BARD1: variants seen among roughly 807,000 people sequenced by gnomAD.
BARD1 encodes BRCA1-associated RING domain protein 1.
In BARD1, 73 loss-of-function variants were observed where a neutral mutation model predicts 77.0. The ratio of observed to expected loss-of-function variants is 0.95; its 90% CI spans 0.79 to 1.15. The LOEUF (loss-of-function observed/expected upper bound fraction) is 1.15. Among genes scored for constraint, BARD1 ranks in the 50% most tolerant of loss-of-function variants. The probability of loss-of-function intolerance (pLI) is 0.00; values close to 1 mark genes in which losing one functional copy is unlikely to be tolerated. For missense variants in BARD1, 993 were observed against 938.8 expected (o/e 1.06, Z -0.75); for synonymous variants, 384 against 338.0 (o/e 1.14, Z -1.49).
chr2:214,753,422 T>A (rs1693548570), intron 6 of BARD1, among the ~76,000 whole-genome samples: 1 of 152,190 alleles, frequency 6.6e-6, no homozygotes, highest in Non-Finnish European at 1.5e-5. Flanking sequence ...AAATGAGCAA[T>A]TCTTTTATAG....
intron 9 of BARD1, among the ~76,000 whole-genome samples, chr2:214,737,858 C>G (rs996936742): frequency 2.0e-5 from 3 of 151,950 alleles, no homozygotes; most frequent in Admixed American, 2.0e-4. Flanking sequence ...AAGATTTAAA[C>G]TATTTTATAT....
chr2:214,752,755 T>C (rs1693518498), intron 6 of BARD1, among the ~76,000 whole-genome samples, 200 bp from the exon 7 acceptor site: 2 of 152,170 alleles, frequency 1.3e-5, no homozygotes, highest in Non-Finnish European at 2.9e-5. Flanking sequence ...ATTATAGGGA[T>C]TGTTTTTACT....
At chr2:214,802,791 G>A (rs1185516074) in intron 1 of BARD1, among the ~76,000 whole-genome samples, 2 of 152,110 alleles carry the variant, frequency 1.3e-5, no homozygotes, top group Non-Finnish European at 2.9e-5. Flanking sequence ...CATTTGCATG[G>A]TAACAGGATT....
chr2:214,797,930 A>T (rs759364603), intron 1 of BARD1, among the ~76,000 whole-genome samples: 1 of 152,170 alleles, frequency 6.6e-6, no homozygotes, highest in African/African-American at 2.4e-5. Flanking sequence ...TAATCCTAAC[A>T]AAGTAATGAT....
chr2:214,788,277 A>G (rs1695364628), intron 3 of BARD1, among the ~76,000 whole-genome samples: 1 of 152,028 alleles, frequency 6.6e-6, no homozygotes, highest in African/African-American at 2.4e-5. Flanking sequence ...GTTGAAGAGA[A>G]AATAAAAACT....
At chr2:214,766,951 T>C (rs1217802901) in intron 6 of BARD1, among the ~76,000 whole-genome samples, 1 of 152,172 alleles carries the variant, frequency 6.6e-6, no homozygotes, top group Non-Finnish European at 1.5e-5. Context: ...TAATAGTTAC[T>C]TTTTCTGCTC....
chr2:214,760,130 A>C (rs1260780943), intron 6 of BARD1, among the ~76,000 whole-genome samples: 2 of 152,208 alleles, frequency 1.3e-5, no homozygotes, highest in Non-Finnish European at 2.9e-5. Context: ...ACTACTGAAA[A>C]GGTACTTCTT....
At chr2:214,730,894 A>C (rs764210456) in intron 9 of BARD1, 4 of 458,424 alleles carry the variant, frequency 8.7e-6, no homozygotes, top group Non-Finnish European at 1.3e-5. Flanking sequence ...CAATAACCTA[A>C]ACTGAGCACT....
At chr2:214,807,552 T>C (rs971616688) in intron 1 of BARD1, among the ~76,000 whole-genome samples, 10 of 152,206 alleles carry the variant, frequency 6.6e-5, no homozygotes, top group Non-Finnish European at 1.3e-4. Flanking sequence ...ACATGTAAAA[T>C]TTCATTTTGT....
intron 2 of BARD1, among the ~76,000 whole-genome samples, chr2:214,794,601 TCA>T (rs1459528198): frequency 6.6e-6 from 1 of 152,162 alleles, no homozygotes; most frequent in East Asian, 1.9e-4. Context: ...TTAAAAAGTC[TCA>T]GTTTTGTACG....
intron 9 of BARD1, among the ~76,000 whole-genome samples, chr2:214,744,186 G>T (rs1445764093): frequency 6.6e-6 from 1 of 152,154 alleles, no homozygotes; most frequent in Non-Finnish European, 1.5e-5. Flanking sequence ...CAGGGAAGGT[G>T]ACAGGCAGCT....
rs1201733686 is a variant in BARD1 at position 214,792,418 on chromosome 2, A to G, written c.243T>C (p.Thr81=). The change falls in exon 3 of 11, where the codon ACT becomes ACC. Residue 81 remains threonine, a synonymous_variant. Transcript: ENST00000260947. ...CSNCVSDCIG[T]GCPVCYTPAW... is the part of the protein sequence containing the mutation. Reference sequence around the variant, plus strand: ...CCGGGGTGTAACACACTGGACATCCAGTTCCAATGCAGTCACTTACACAAT... The same window carrying G: ...CCGGGGTGTAACACACTGGACATCCGGTTCCAATGCAGTCACTTACACAAT... 3 of 1,610,974 alleles carry G rather than the reference A, an allele frequency of 1.9e-6. No individual in the cohort carries two copies. In the South Asian group the frequency reaches 3.3e-5, roughly 18 times the overall value.
At chr2:214,763,204 T>C (rs1040677182) in intron 6 of BARD1, among the ~76,000 whole-genome samples, 1 of 152,176 alleles carries the variant, frequency 6.6e-6, no homozygotes, top group African/African-American at 2.4e-5. Flanking sequence ...GTTCTATTTT[T>C]TCAAAACTCG....
At chr2:214,733,757 T>C (rs1692453748) in intron 9 of BARD1, among the ~76,000 whole-genome samples, 1 of 152,172 alleles carries the variant, frequency 6.6e-6, no homozygotes, top group South Asian at 2.1e-4. Flanking sequence ...TTCAAGCACA[T>C]TTAAAATTAC....
In BARD1 at chr2:214,726,468, T is replaced by C. The variant is rs1349014737; in HGVS notation, c.*2208A>G. 4.6e-6 allele frequency: 1 copy of C among 215,102 alleles called. No individual in the cohort carries two copies. Among genetic ancestry groups the C allele is most frequent in the African/African-American group, 2.3e-5 (1 of 44,432 alleles). The allele number at this position is 215,102 out of a possible 1,614,324, so 13.3% of individuals were successfully genotyped here. ...CTGTATTCGGAATAATCTAAGGTAA[T>C]AAAGTATCTAGTACACTTTAGAAAT... On this transcript the variant is annotated 3_prime_UTR_variant, in exon 11 of 11. Coordinates refer to ENST00000260947, the MANE Select transcript of BARD1 (RefSeq NM_000465.4).
In BARD1 at chr2:214,781,353, C is replaced by G; in HGVS notation, c.521G>C (p.Ser174Thr). 6.2e-7 allele frequency: 1 copy of G among 1,613,736 alleles called. No homozygotes were observed. Among genetic ancestry groups the G allele is most frequent in the Non-Finnish European group, 8.5e-7 (1 of 1,179,922 alleles). Residue 174 changes from serine to threonine, a missense_variant, in exon 4 of 11, where the codon AGT (serine) becomes ACT (threonine). By Grantham distance (58) the Ser-to-Thr change is moderately conservative. Coordinates refer to ENST00000260947, the MANE Select transcript of BARD1 (RefSeq NM_000465.4). ...AAATTCATATGAGTCTTGCTGAGCACTTGCATCTTTTTTTATTGCAGGCTG... is the reference window on the plus strand; with the variant it reads ...AAATTCATATGAGTCTTGCTGAGCAGTTGCATCTTTTTTTATTGCAGGCTG... ...QTQPAIKKDA[S>T]AQQDSYEFVS...
At chr2:214,761,461 A>T (rs945680987) in intron 6 of BARD1, among the ~76,000 whole-genome samples, 14 of 152,130 alleles carry the variant, frequency 9.2e-5, no homozygotes, top group Admixed American at 2.6e-4. Context: ...TGTTTAAATG[A>T]TGCACAACAC....
intron 8 of BARD1, 62 bp downstream of exon 8, chr2:214,745,660 T>C: frequency 6.3e-7 from 1 of 1,578,292 alleles, no homozygotes; most frequent in Non-Finnish European, 8.7e-7. Flanking sequence ...AAGGTAGTTC[T>C]CCAAAAGGAT....
intron 9 of BARD1, among the ~76,000 whole-genome samples, chr2:214,732,133 C>T (rs1438495489): frequency 1.3e-5 from 2 of 152,118 alleles, no homozygotes; most frequent in Admixed American, 6.5e-5. Flanking sequence ...GTTTTGGAAA[C>T]CTCTTGAAAA....
Sources: allele counts gnomAD v4.1 joint callset (sites outside exome capture counted in the v4.1 genomes callset), GRCh38; gene constraint gnomAD v4.1.1; transcripts MANE v1.5; gene names NCBI Gene and HGNC (gene_info 2026-07-23, HGNC 2026-07-21).